Variants in DRC11 observed in about 807,000 individuals in gnomAD.
The protein encoded by DRC11 is dynein regulatory complex subunit 11.
the DRC11 span, chr2:236,507,312 C>T: frequency 6.2e-7 from 1 of 1,612,964 alleles, no homozygotes; most frequent in Non-Finnish European, 8.5e-7. Context: ...GGAAGCTCTT[C>T]CGTTGCTCTC....
the DRC11 span, chr2:236,377,271 T>G: frequency 1.3e-6 from 1 of 752,564 alleles, no homozygotes; most frequent in Non-Finnish European, 2.3e-6. The surrounding 1 kb of genome is among the most constrained non-coding windows in gnomAD (Gnocchi z 4.9). Flanking sequence ...CGCGGAGAAC[T>G]TAAACCAGAT....
At chr2:236,463,262 G>A in the DRC11 span, among the ~76,000 whole-genome samples, 1 of 152,114 alleles carries the variant, frequency 6.6e-6, no homozygotes, top group East Asian at 1.9e-4. The surrounding 1 kb of genome is among the most constrained non-coding windows in gnomAD (Gnocchi z 5.0). Context: ...TCCCCAGAAA[G>A]CAAGGAGAAA....
chr2:236,399,750 T>G, the DRC11 span, among the ~76,000 whole-genome samples: 22 of 152,330 alleles, frequency 1.4e-4, no homozygotes, highest in South Asian at 2.9e-3. The surrounding 1 kb of genome is among the most constrained non-coding windows in gnomAD (Gnocchi z 7.0). Flanking sequence ...GCCCCGAGTT[T>G]GATCCTGTCT....
At chr2:236,398,864 G>A in the DRC11 span, among the ~76,000 whole-genome samples, 5 of 152,146 alleles carry the variant, frequency 3.3e-5, no homozygotes, top group Non-Finnish European at 7.3e-5. The surrounding 1 kb of genome is among the most constrained non-coding windows in gnomAD (Gnocchi z 6.2). Flanking sequence ...TTTCTTCCCT[G>A]CCACTAGCAT....
At chr2:236,415,986 CT>C in the DRC11 span, among the ~76,000 whole-genome samples, 4 of 150,930 alleles carry the variant, frequency 2.7e-5, no homozygotes, top group Admixed American at 6.6e-5. This position sits in a 1 kb window ranked among gnomAD's most constrained non-coding sequence, Gnocchi z 5.7. Context: ...ATTCAGGGGG[CT>C]TTTTTTTTCC....
chr2:236,478,642 C>T, the DRC11 span, among the ~76,000 whole-genome samples: 1 of 152,036 alleles, frequency 6.6e-6, no homozygotes, highest in Admixed American at 6.6e-5. The surrounding 1 kb of genome is among the most constrained non-coding windows in gnomAD (Gnocchi z 5.9). Context: ...GTTGAAGCTA[C>T]CTACTATTAT....
At chr2:236,353,591 GA>G in the DRC11 span, among the ~76,000 whole-genome samples, 5 of 151,532 alleles carry the variant, frequency 3.3e-5, no homozygotes, top group East Asian at 9.7e-4. The surrounding 1 kb of genome is among the most constrained non-coding windows in gnomAD (Gnocchi z 5.0). Context: ...AGAACTGCAG[GA>G]AAAAAAACAG....
At chr2:236,330,677 G>A in the DRC11 span, among the ~76,000 whole-genome samples, 7 of 152,178 alleles carry the variant, frequency 4.6e-5, no homozygotes, top group Admixed American at 1.3e-4. The surrounding 1 kb of genome is among the most constrained non-coding windows in gnomAD (Gnocchi z 5.5). Context: ...TCAGTTGCAT[G>A]CATATAATCT....
the DRC11 span, among the ~76,000 whole-genome samples, chr2:236,432,172 T>C: frequency 1.1e-4 from 16 of 152,210 alleles, no homozygotes; most frequent in Non-Finnish European, 2.9e-5. Context: ...ACCCTAATGA[T>C]GAATAATGTT....
the DRC11 span, among the ~76,000 whole-genome samples, chr2:236,416,647 C>G: frequency 1.4e-5 from 2 of 148,004 alleles, no homozygotes; most frequent in Admixed American, 1.4e-4. Context: ...TGCCTTCAGT[C>G]GGCCAGCCGC....
chr2:236,424,058 G>C, the DRC11 span, among the ~76,000 whole-genome samples: 1 of 121,190 alleles, frequency 8.3e-6, no homozygotes, highest in East Asian at 3.0e-4. Context: ...TTGTGGGGTG[G>C]GGGGAGGGGG....
the DRC11 span, among the ~76,000 whole-genome samples, chr2:236,416,204 C>G: frequency 6.6e-6 from 1 of 152,256 alleles, no homozygotes; most frequent in South Asian, 2.1e-4. Flanking sequence ...ATCAGCTAAT[C>G]CCAAAGGGAG....
At chr2:236,423,436 C>T in the DRC11 span, among the ~76,000 whole-genome samples, 3 of 151,936 alleles carry the variant, frequency 2.0e-5, no homozygotes, top group Admixed American at 2.0e-4. Flanking sequence ...TGCAGCCAAA[C>T]GACACATGAA....
chr2:236,420,383 A>C, the DRC11 span, among the ~76,000 whole-genome samples: 49 of 152,168 alleles, frequency 3.2e-4, no homozygotes, highest in Non-Finnish European at 6.3e-4. This position sits in a 1 kb window ranked among gnomAD's most constrained non-coding sequence, Gnocchi z 4.8. Flanking sequence ...GAAACCAACA[A>C]TCCATACTCC....
the DRC11 span, among the ~76,000 whole-genome samples, chr2:236,454,122 G>A: frequency 6.6e-6 from 1 of 152,192 alleles, no homozygotes; most frequent in Non-Finnish European, 1.5e-5. The surrounding 1 kb of genome is among the most constrained non-coding windows in gnomAD (Gnocchi z 5.3). Context: ...AAGCACAATA[G>A]AGGGTATGCT....
chr2:236,498,169 GGGCGTGGTGAGGTGCAGGCCA>G, the DRC11 span, among the ~76,000 whole-genome samples: 1 of 151,908 alleles, frequency 6.6e-6, no homozygotes, highest in Admixed American at 6.6e-5. Context: ...GGTGCAGGCT[GGGCGTGGTGAGGTGCAGGCCA>G]GGCGTGGTGG....
the DRC11 span, among the ~76,000 whole-genome samples, chr2:236,483,638 T>C: frequency 2.0e-5 from 3 of 151,586 alleles, no homozygotes; most frequent in African/African-American, 4.9e-5. This position sits in a 1 kb window ranked among gnomAD's most constrained non-coding sequence, Gnocchi z 4.8. Context: ...AAAATAATTA[T>C]GGTGAACAAC....
the DRC11 span, among the ~76,000 whole-genome samples, chr2:236,473,551 T>C: frequency 1.2e-4 from 18 of 152,328 alleles, no homozygotes; most frequent in South Asian, 2.1e-3. This position sits in a 1 kb window ranked among gnomAD's most constrained non-coding sequence, Gnocchi z 4.8. Flanking sequence ...TTTATTATAA[T>C]GCAAACACTG....
At chr2:236,447,216 C>T in the DRC11 span, among the ~76,000 whole-genome samples, 1 of 151,610 alleles carries the variant, frequency 6.6e-6, no homozygotes, top group Non-Finnish European at 1.5e-5. The surrounding 1 kb of genome is among the most constrained non-coding windows in gnomAD (Gnocchi z 4.6). Flanking sequence ...ATGCAGACGT[C>T]CAAGCTGCCA....
Sources: allele counts gnomAD v4.1 joint callset (sites outside exome capture counted in the v4.1 genomes callset), GRCh38; gene constraint gnomAD v4.1.1; non-coding constraint Gnocchi (gnomAD v3.1); transcripts MANE v1.5; gene names NCBI Gene and HGNC (gene_info 2026-07-23, HGNC 2026-07-21).